Variants in XXYLT1 observed in about 807,000 individuals in gnomAD.
The protein encoded by XXYLT1 is xyloside xylosyltransferase 1.
In XXYLT1, 20 loss-of-function variants were observed where a neutral mutation model predicts 28.9. The ratio of observed to expected loss-of-function variants is 0.69; its 90% confidence interval spans 0.49 to 1.00. XXYLT1 has a LOEUF of 1.00. Among genes scored for constraint, XXYLT1 ranks in the 50% least tolerant of loss-of-function variants. The pLI is 0.00. For synonymous variants in XXYLT1, 257 were observed against 253.8 expected, an observed-to-expected ratio of 1.01 and a Z score of -0.12; for missense variants, 542 against 560.1, an observed-to-expected ratio of 0.97 and a Z score of 0.33.
At chr3:195,220,452 G>A (rs993583374) in intron 2 of XXYLT1, among the ~76,000 whole-genome samples, 3 of 152,126 alleles carry the variant, frequency 2.0e-5, no homozygotes, top group Admixed American at 6.5e-5. Context: ...CCGGGCCCAT[G>A]CTCTTAACCA....
chr3:195,212,220 G>A (rs993194535), intron 2 of XXYLT1, among the ~76,000 whole-genome samples: 1 of 152,212 alleles, frequency 6.6e-6, no homozygotes, highest in African/African-American at 2.4e-5. Flanking sequence ...GGAAGCGGGG[G>A]TGGCCACGGT....
At chr3:195,206,204 G>T (rs1174847043) in intron 2 of XXYLT1, among the ~76,000 whole-genome samples, 3 of 151,324 alleles carry the variant, frequency 2.0e-5, no homozygotes, top group Non-Finnish European at 2.9e-5. Flanking sequence ...TAGAGACGGG[G>T]CTTCACTGTG....
chr3:195,164,204 T>C (rs1189823074), intron 2 of XXYLT1, among the ~76,000 whole-genome samples: 1 of 152,116 alleles, frequency 6.6e-6, no homozygotes, highest in African/African-American at 2.4e-5. Context: ...CCCAAAGAGA[T>C]TAGGTGTTGC....
intron 1 of XXYLT1, 50 bp downstream of exon 1, chr3:195,270,505 T>A (rs1342832862): frequency 1.5e-6 from 2 of 1,356,196 alleles, no homozygotes; most frequent in Non-Finnish European, 1.9e-6. Flanking sequence ...TGACCTCGCC[T>A]AGGATGGGGT....
chr3:195,225,887 G>A (rs147968955), intron 2 of XXYLT1, among the ~76,000 whole-genome samples: 3 of 152,244 alleles, frequency 2.0e-5, no homozygotes, highest in Non-Finnish European at 4.4e-5. Flanking sequence ...GAAGAAGGAC[G>A]TATTTGCTTC....
chr3:195,269,677 A>T (rs1467351424), intron 1 of XXYLT1, among the ~76,000 whole-genome samples: 5 of 152,208 alleles, frequency 3.3e-5, no homozygotes, highest in Non-Finnish European at 5.9e-5. Flanking sequence ...CTGTCTCAGC[A>T]TGCTTCCCCA....
chr3:195,156,065 T>C (rs559775883), intron 3 of XXYLT1, among the ~76,000 whole-genome samples: 13 of 152,282 alleles, frequency 8.5e-5, no homozygotes, highest in Admixed American at 2.0e-4. Flanking sequence ...CCCACTCTGC[T>C]AATAGAGAAT....
At chr3:195,116,961 C>T (rs373916272) in intron 3 of XXYLT1, among the ~76,000 whole-genome samples, 5 of 152,082 alleles carry the variant, frequency 3.3e-5, no homozygotes, top group South Asian at 2.1e-4. Context: ...GTGTTACTGC[C>T]CACCCATCAG....
chr3:195,226,680 G>A (rs769338622), intron 2 of XXYLT1, 29 bp downstream of exon 2: 1 of 1,606,708 alleles, frequency 6.2e-7, no homozygotes, highest in South Asian at 1.1e-5. Context: ...AGACACCCAG[G>A]GGCTATTGCT....
chr3:195,145,569 G>A (rs113039339), intron 3 of XXYLT1, among the ~76,000 whole-genome samples: 1,730 of 139,316 alleles, frequency 0.012, 8 homozygotes, highest in Middle Eastern at 0.027. Context: ...TCACTCCACG[G>A]TGACCGGCAT....
At chr3:195,112,583 GCACA>G (rs111315795) in intron 3 of XXYLT1, among the ~76,000 whole-genome samples, 2,599 of 133,476 alleles carry the variant, frequency 0.019, 30 homozygotes, top group Non-Finnish European at 0.029. Flanking sequence ...ACACACGCAC[GCACA>G]CACACACACG....
intron 2 of XXYLT1, among the ~76,000 whole-genome samples, chr3:195,206,640 G>A (rs555183677): frequency 2.0e-5 from 3 of 151,634 alleles, no homozygotes; most frequent in African/African-American, 4.8e-5. Flanking sequence ...GTGGTGGCAC[G>A]TGCCTGTAAT....
intron 2 of XXYLT1, among the ~76,000 whole-genome samples, chr3:195,165,458 G>T (rs1364160760): frequency 6.6e-6 from 1 of 152,176 alleles, no homozygotes; most frequent in African/African-American, 2.4e-5. Context: ...CTGGGACCAT[G>T]GAGGGGTGTG....
At chr3:195,185,988 G>GCAA (rs1488819992) in intron 2 of XXYLT1, among the ~76,000 whole-genome samples, 2 of 152,084 alleles carry the variant, frequency 1.3e-5, no homozygotes, top group Non-Finnish European at 2.9e-5. Flanking sequence ...TAGGGTCCCT[G>GCAA]CAACACCTAC....
intron 1 of XXYLT1, among the ~76,000 whole-genome samples, chr3:195,260,615 C>CT (rs1225047690): frequency 6.6e-6 from 1 of 152,244 alleles, no homozygotes; most frequent in Admixed American, 6.5e-5. Context: ...GCCCTGCCAC[C>CT]TTCGCTGTGG....
chr3:195,198,726 T>G (rs1208546243), intron 2 of XXYLT1, among the ~76,000 whole-genome samples: 1 of 152,132 alleles, frequency 6.6e-6, no homozygotes, highest in African/African-American at 2.4e-5. Context: ...AACAAAACCT[T>G]CAACTATGAA....
At chr3:195,072,715 G>C (rs7635512) in intron 3 of XXYLT1, among the ~76,000 whole-genome samples, 26,714 of 152,072 alleles carry the variant, frequency 0.18, 2,715 homozygotes, top group East Asian at 0.43. Flanking sequence ...GCCTGAAAAG[G>C]AACAATGACT....
intron 2 of XXYLT1, among the ~76,000 whole-genome samples, chr3:195,170,462 T>C (rs1483946615): frequency 6.6e-6 from 1 of 152,166 alleles, no homozygotes; most frequent in Non-Finnish European, 1.5e-5. Context: ...CCAAGTCCGC[T>C]CCAAGCTTCT....
intron 2 of XXYLT1, among the ~76,000 whole-genome samples, chr3:195,212,281 T>C (rs941116203): frequency 6.6e-6 from 1 of 152,074 alleles, no homozygotes; most frequent in Non-Finnish European, 1.5e-5. Flanking sequence ...CTGGATCCGA[T>C]GGGATCGGAT....
Sources: allele counts gnomAD v4.1 joint callset (sites outside exome capture counted in the v4.1 genomes callset), GRCh38; gene constraint gnomAD v4.1.1; transcripts MANE v1.5; gene names NCBI Gene and HGNC (gene_info 2026-07-23, HGNC 2026-07-21).